NFATC3: variants seen among roughly 807,000 people sequenced by gnomAD.
NFATC3 encodes the protein nuclear factor of activated T-cells, cytoplasmic 3.
Under a neutral mutation model 98.6 loss-of-function variants are expected in NFATC3, and 46 were observed. The observed-to-expected ratio is 0.47, with a 90% CI of 0.37 to 0.60. The LOEUF (loss-of-function observed/expected upper bound fraction) is 0.60, where lower values mean the gene tolerates loss of function less well. Ranked by LOEUF, NFATC3 falls within the 20% of genes least tolerant of loss-of-function variation. The pLI is 0.00. For synonymous variants in NFATC3, 512 were observed against 472.2 expected (o/e 1.08, Z -1.09); for missense variants, 1,256 against 1,295.5 (o/e 0.97, Z 0.47).
At chr16:68,137,618 CTT>C (rs751871604) in intron 3 of NFATC3, among the ~76,000 whole-genome samples, 19 of 142,338 alleles carry the variant, frequency 1.3e-4, no homozygotes, top group Admixed American at 1.4e-4. Context: ...CATTTTCCTT[CTT>C]TTTTTTTTTT....
At position 68,165,615 on chromosome 16, in the gene NFATC3, C is replaced by G. The variant is rs148282883; in HGVS notation, c.1602-1228C>G. On this transcript the variant is annotated intron_variant, in intron 4 of 9. Transcript: ENST00000346183. Reference sequence around the variant, plus strand: ...TTCACTGTGTTGGCTAGGCTGGTCTCGAAATACTGACCTCAGGTGATCCAC... The same window carrying G: ...TTCACTGTGTTGGCTAGGCTGGTCTGGAAATACTGACCTCAGGTGATCCAC... 5.6e-3 allele frequency among the ~76,000 whole-genome samples: 858 copies of G among 152,082 alleles called. 7 individuals carry two copies. The highest frequency in any genetic ancestry group is 0.019 in the African/African-American group (788 of 41,500).
In NFATC3 at chr16:68,122,047, C is replaced by T. The variant is rs895136836; in HGVS notation, c.164C>T (p.Thr55Ile). The T allele has an allele frequency of 6.2e-7, 1 of 1,613,590 alleles. No homozygotes were observed. Residue 55 changes from threonine to isoleucine, a missense_variant, in exon 2 of 10, where the codon ACT becomes ATT. Physicochemically the swap from Thr to Ile is moderately conservative, Grantham distance 89. Transcript: ENST00000346183. ...YIFNVDPPPSTLTTPLCLPHH... is the reference protein window; with the variant it reads ...YIFNVDPPPSILTTPLCLPHH... ...TTTAATGTAGATCCACCTCCATCTA[C>T]TTTAACCACACCACTTTGCTTACCA...
intron 3 of NFATC3, among the ~76,000 whole-genome samples, chr16:68,139,671 G>A (rs978173992): frequency 6.6e-6 from 1 of 152,160 alleles, no homozygotes; most frequent in African/African-American, 2.4e-5. Context: ...CACCTACCTT[G>A]TAGCCAACTG....
intron 8 of NFATC3, 61 bp from the exon 9 acceptor site, chr16:68,190,707 G>T (rs1264242012): frequency 6.0e-6 from 9 of 1,500,768 alleles, no homozygotes; most frequent in East Asian, 2.3e-5. Flanking sequence ...TAGCATGAAG[G>T]CCTGTCATGA....
chr16:68,164,432 G>A (rs1350635203), intron 4 of NFATC3, among the ~76,000 whole-genome samples: 2 of 152,146 alleles, frequency 1.3e-5, no homozygotes, highest in African/African-American at 4.8e-5. Context: ...GAGGGAGAGC[G>A]CCTAATCTCT....
At chr16:68,195,908 C>CA (rs1860791535) in intron 9 of NFATC3, among the ~76,000 whole-genome samples, 2 of 152,120 alleles carry the variant, frequency 1.3e-5, no homozygotes, top group Admixed American at 6.6e-5. Context: ...GTCTGAAGTG[C>CA]AGTAGTGCAA....
chr16:68,169,402 G>T (rs2039357670), intron 5 of NFATC3, among the ~76,000 whole-genome samples: 1 of 152,058 alleles, frequency 6.6e-6, no homozygotes, highest in African/African-American at 2.4e-5. Flanking sequence ...CCAAGTAGCT[G>T]GGACTACAGG....
At chr16:68,096,994 G>A (rs971879495) in intron 1 of NFATC3, among the ~76,000 whole-genome samples, 2 of 152,200 alleles carry the variant, frequency 1.3e-5, no homozygotes, top group Non-Finnish European at 2.9e-5. Context: ...GAATGGAGGT[G>A]GGGACACATG....
In NFATC3 at chr16:68,175,053, A is replaced by C. The variant is rs115727785; in HGVS notation, c.1915+539A>C. ...TCACCAACTGATGAATGGATAAACA[A>C]AATGTGATATATCCATACAATGGAA... On this transcript the variant is annotated intron_variant, in intron 6 of 9. Transcript: ENST00000346183. Among the ~76,000 whole-genome samples, 1,058 of 152,350 alleles carry C rather than the reference A, an allele frequency of 6.9e-3. 17 individuals are homozygous for C. Among genetic ancestry groups the C allele is most frequent in the African/African-American group, 0.024 (982 of 41,582 alleles).
In NFATC3 at chr16:68,148,107, C is replaced by T. The variant is rs112922298; in HGVS notation, c.1402-9762C>T. ...CTCGGCTCACTGCAACCTCCGCCTC[C>T]TGGGTTCAAGCGATTCTCCTGCCTC... On this transcript the variant is annotated intron_variant, in intron 3 of 9. Coordinates refer to ENST00000346183, the MANE Select transcript of NFATC3 (RefSeq NM_173165.3). Among the ~76,000 whole-genome samples the T allele has an allele frequency of 4.9e-3, 741 of 152,186 alleles. 8 individuals carry two copies. The highest frequency in any genetic ancestry group is 0.017 in the African/African-American group (701 of 41,526).
At chr16:68,119,222 T>C (rs1774385072) in intron 1 of NFATC3, among the ~76,000 whole-genome samples, 1 of 152,178 alleles carries the variant, frequency 6.6e-6, no homozygotes, top group Non-Finnish European at 1.5e-5. Flanking sequence ...CACCCTTGAC[T>C]GTTCTTTCAC....
In NFATC3 at chr16:68,133,293, G is replaced by A. The variant is rs1487469370; in HGVS notation, c.1401+6683G>A. ...ATAAAATTATGTGTATGTTCACAAAGCTAGAAAGGATTTTGAATGTTAACA... is the reference window on the plus strand; with the variant it reads ...ATAAAATTATGTGTATGTTCACAAAACTAGAAAGGATTTTGAATGTTAACA... On this transcript the variant is annotated intron_variant, in intron 3 of 9. Transcript: ENST00000346183. Among the ~76,000 whole-genome samples the A allele has an allele frequency of 2.6e-5, 4 of 152,116 alleles. No homozygotes were observed. In the East Asian group the frequency reaches 7.7e-4, roughly 29 times the overall value.
intron 9 of NFATC3, among the ~76,000 whole-genome samples, chr16:68,194,146 CACA>C (rs1333824482): frequency 5.9e-5 from 9 of 152,166 alleles, no homozygotes; most frequent in African/African-American, 2.2e-4. Context: ...TGAAAAATCA[CACA>C]ACTAGTAAGC....
Position 68,100,905 on chromosome 16 carries a change from G to GTGT in NFATC3, c.103+15121_103+15122insTGT, listed in dbSNP as rs1555513122. On this transcript the variant is annotated intron_variant, in intron 1 of 9. Coordinates refer to ENST00000346183, the MANE Select transcript of NFATC3 (RefSeq NM_173165.3). ...GAGAGTTCTGTGTGTGTGTGTGTGT[G>GTGT]GGGTGTGTGTGTGTGTGTGTGTGTG... 2.3e-3 allele frequency among the ~76,000 whole-genome samples: 325 copies of GTGT among 142,234 alleles called. 2 individuals are homozygous for GTGT. Among genetic ancestry groups the GTGT allele is most frequent in the South Asian group, 0.02 (94 of 4,660 alleles). The allele number at this position is 142,234 out of a possible 152,430, so 93.3% of individuals were successfully genotyped here.
intron 2 of NFATC3, among the ~76,000 whole-genome samples, chr16:68,125,584 G>A (rs1175653036): frequency 6.6e-6 from 1 of 152,090 alleles, no homozygotes; most frequent in Non-Finnish European, 1.5e-5. Flanking sequence ...AGGAGCAATA[G>A]GGAGGAAGTG....
chr16:68,137,355 A>T (rs2037477401), intron 3 of NFATC3, among the ~76,000 whole-genome samples: 1 of 152,176 alleles, frequency 6.6e-6, no homozygotes, highest in African/African-American at 2.4e-5. Context: ...AGTCAGGAAC[A>T]TCAAGATGTC....
At chr16:68,214,417 C>T in intron 9 of NFATC3, 1 of 1,614,008 alleles carries the variant, frequency 6.2e-7, no homozygotes, top group Non-Finnish European at 8.5e-7. Flanking sequence ...CAGCTCCTTT[C>T]TGGAGAATCT....
At chr16:68,191,855 A>G (rs754892338) in intron 9 of NFATC3, 80 bp downstream of exon 9, 5 of 1,460,008 alleles carry the variant, frequency 3.4e-6, no homozygotes, top group East Asian at 2.3e-5. Context: ...AAAAGTTTCT[A>G]TGGATTGCTT....
intron 1 of NFATC3, chr16:68,088,573 G>T (rs768726633): frequency 5.4e-5 from 8 of 149,044 alleles, no homozygotes; most frequent in Non-Finnish European, 1.0e-4. Context: ...TCGCCCTGTC[G>T]CCCAGGCTGG....
Sources: allele counts gnomAD v4.1 joint callset (sites outside exome capture counted in the v4.1 genomes callset), GRCh38; gene constraint gnomAD v4.1.1; transcripts MANE v1.5; gene names NCBI Gene and HGNC (gene_info 2026-07-23, HGNC 2026-07-21).